COPB1: variants seen among roughly 807,000 people sequenced by gnomAD.
The protein encoded by COPB1 is coatomer subunit beta.
Under a neutral mutation model 108.7 loss-of-function variants are expected in COPB1, and 21 were observed. The observed-to-expected ratio is 0.19, with a 90% CI of 0.14 to 0.28. The LOEUF is 0.28. Among genes scored for constraint, COPB1 ranks in the 10% least tolerant of loss-of-function variants. COPB1 has a pLI of 1.00. For synonymous variants in COPB1, 378 were observed against 386.8 expected (o/e 0.98, Z 0.27); for missense variants, 919 against 1,141.3 (o/e 0.81, Z 2.81).
At chr11:14,493,875 G>A in intron 3 of COPB1, 64 bp from the exon 4 acceptor site, 5 of 1,319,886 alleles carry the variant, frequency 3.8e-6, no homozygotes, top group Non-Finnish European at 5.1e-6. Context: ...AAATTTTAAT[G>A]CAAAACTTTC....
rs1223867935 is a variant in COPB1 at position 14,475,853 on chromosome 11, A to G, written c.1548T>C (p.Thr516=). 6.2e-6 allele frequency: 10 copies of G among 1,613,886 alleles called. No homozygotes were observed. The highest frequency in any genetic ancestry group is 8.5e-6 in the Non-Finnish European group (10 of 1,179,898). The change falls in exon 13 of 22, where the codon ACT becomes ACC. Residue 516 remains threonine (T), a synonymous_variant. Transcript: ENST00000439561. ...TCTGAGTTGCATAGGTACCCATTTC[A>G]GTAACCAATTTCTGAACTGGCCCTA... ...ITVGPVQKLV[T]EMGTYATQSA...
intron 10 of COPB1, 133 bp from the exon 11 acceptor site, chr11:14,479,847 A>T: frequency 2.3e-6 from 2 of 874,252 alleles, no homozygotes; most frequent in Non-Finnish European, 3.4e-6. Context: ...TTTGCTGCCC[A>T]GGCTAGAGAA....
chr11:14,491,812 TAAC>T (rs1414787828), intron 4 of COPB1, among the ~76,000 whole-genome samples: 1 of 152,216 alleles, frequency 6.6e-6, no homozygotes, highest in East Asian at 1.9e-4. Context: ...ATGTCTCTAA[TAAC>T]TGTTGTGCAT....
intron 7 of COPB1, among the ~76,000 whole-genome samples, chr11:14,486,115 G>A (rs1451405090): frequency 3.9e-5 from 6 of 152,126 alleles, no homozygotes; most frequent in Admixed American, 3.9e-4. Flanking sequence ...GTGGACCTGC[G>A]CAGTTCGAAC....
intron 10 of COPB1, 40 bp downstream of exon 10, chr11:14,480,719 T>G (rs763232025): frequency 6.3e-7 from 1 of 1,579,096 alleles, no homozygotes; most frequent in South Asian, 1.2e-5. Context: ...AAAAAATTCT[T>G]TTAGATAATT....
chr11:14,487,949 T>A (rs752372408), intron 6 of COPB1, among the ~76,000 whole-genome samples: 2 of 152,258 alleles, frequency 1.3e-5, no homozygotes, highest in Non-Finnish European at 2.9e-5. Flanking sequence ...AACATTAAGA[T>A]GTAACCAACT....
intron 7 of COPB1, among the ~76,000 whole-genome samples, chr11:14,485,603 T>C (rs1031363460): frequency 6.6e-6 from 1 of 152,202 alleles, no homozygotes; most frequent in African/African-American, 2.4e-5. Context: ...TCCCAGCATT[T>C]TGGGAAGCCG....
At chr11:14,473,138 C>G (rs2575834) in intron 14 of COPB1, among the ~76,000 whole-genome samples, 100,987 of 151,724 alleles carry the variant, frequency 0.67, 33,804 homozygotes, top group African/African-American at 0.7. Context: ...CCACACCTGG[C>G]TAATTTTTGT....
At chr11:14,460,786 G>A (rs1850128165) in intron 19 of COPB1, among the ~76,000 whole-genome samples, 1 of 152,120 alleles carries the variant, frequency 6.6e-6, no homozygotes, top group Admixed American at 6.5e-5. Flanking sequence ...TTACAGGCAC[G>A]AGCTACCGTG....
At position 14,494,369 on chromosome 11, in the gene COPB1, T is replaced by G. The variant is rs1850971307; in HGVS notation, c.162A>C (p.Lys54Asn). The change falls in exon 3 of 22, where the codon AAA becomes AAC. Residue 54 changes from lysine to asparagine, a missense_variant. By Grantham distance (94) the Lys-to-Asn change is moderately conservative. Transcript: ENST00000439561. ...KVIIMILNGE[K>N]LPGLLMTIIR... ...TGATGGTCATCAGAAGTCCAGGAAG[T>G]TTTTCACCATTCAGAATCATAATGA... 6.2e-7 allele frequency: 1 copy of G among 1,613,380 alleles called. No homozygotes were observed. Among genetic ancestry groups the G allele is most frequent in the African/African-American group, 1.3e-5 (1 of 74,946 alleles).
At chr11:14,464,890 T>C in intron 18 of COPB1, 21 bp downstream of exon 18, 1 of 1,604,244 alleles carries the variant, frequency 6.2e-7, no homozygotes, top group East Asian at 2.2e-5. Context: ...AAACATTACA[T>C]GCCATAAAAC....
intron 15 of COPB1, 104 bp from the exon 16 acceptor site, chr11:14,468,964 A>G: frequency 1.1e-6 from 1 of 938,584 alleles, no homozygotes; most frequent in Non-Finnish European, 1.6e-6. Context: ...AAAATCAACA[A>G]AACAACAAGA....
At chr11:14,463,143 T>G (rs1266072840) in intron 18 of COPB1, among the ~76,000 whole-genome samples, 2 of 152,218 alleles carry the variant, frequency 1.3e-5, no homozygotes, top group Non-Finnish European at 2.9e-5. Flanking sequence ...CTTACTTTTC[T>G]AACCACACTT....
At chr11:14,494,625 C>T in intron 2 of COPB1, 186 bp from the exon 3 acceptor site, 1 of 524,962 alleles carries the variant, frequency 1.9e-6, no homozygotes, top group Non-Finnish European at 3.4e-6. Flanking sequence ...TGTCTTTGCT[C>T]AAGTCATTTA....
chr11:14,477,690 T>C (rs978911429), intron 11 of COPB1, among the ~76,000 whole-genome samples: 1 of 149,518 alleles, frequency 6.7e-6, no homozygotes, highest in Non-Finnish European at 1.5e-5. Flanking sequence ...AGGTTGGGAG[T>C]TCAAGACCAG....
intron 21 of COPB1, 72 bp downstream of exon 21, chr11:14,458,460 A>C: frequency 7.0e-7 from 1 of 1,424,806 alleles, no homozygotes; most frequent in African/African-American, 1.4e-5. Context: ...CTACATATAG[A>C]AATAATAAAG....
At chr11:14,461,152 T>C (rs1163136727) in intron 19 of COPB1, 34 bp downstream of exon 19, 2 of 1,613,504 alleles carry the variant, frequency 1.2e-6, no homozygotes, top group South Asian at 2.2e-5. Flanking sequence ...GGAAGAAAGA[T>C]AAAGGAATAT....
chr11:14,487,692 CA>C (rs372122303), intron 6 of COPB1, among the ~76,000 whole-genome samples: 5 of 142,946 alleles, frequency 3.5e-5, no homozygotes, highest in East Asian at 2.0e-4. Flanking sequence ...CAAAAAACAA[CA>C]AAAAAAAAAC....
At chr11:14,483,255 CACA>C (rs1850702975) in intron 7 of COPB1, 104 bp from the exon 8 acceptor site, 2 of 652,372 alleles carry the variant, frequency 3.1e-6, no homozygotes, top group African/African-American at 3.6e-5. Flanking sequence ...CACACACACA[CACA>C]CTCCCATGAA....
Sources: allele counts gnomAD v4.1 joint callset (sites outside exome capture counted in the v4.1 genomes callset), GRCh38; gene constraint gnomAD v4.1.1; transcripts MANE v1.5; gene names NCBI Gene and HGNC (gene_info 2026-07-23, HGNC 2026-07-21).